Variants in ZFP64 observed in about 807,000 individuals in gnomAD.
The protein encoded by ZFP64 is ZFP64 zinc finger protein, also known as zinc finger protein 64.
ZFP64 carries 14 observed loss-of-function variants against 51.6 expected under a neutral mutation model. The observed-to-expected ratio is 0.27, with a 90% CI of 0.18 to 0.42. ZFP64 has a LOEUF of 0.42. Among genes scored for constraint, ZFP64 ranks in the 10% least tolerant of loss-of-function variants. The pLI, the probability that ZFP64 is intolerant of heterozygous loss-of-function variation, is 1.00. For synonymous variants in ZFP64, 375 were observed against 361.4 expected (o/e 1.04, Z -0.43); for missense variants, 754 against 906.8 (o/e 0.83, Z 2.16).
downstream of ZFP64, among the ~76,000 whole-genome samples, chr20:52,148,045 A>G (rs1349733197): frequency 6.6e-6 from 1 of 152,214 alleles, no homozygotes; most frequent in Non-Finnish European, 1.5e-5. Flanking sequence ...TGCAATTTCA[A>G]TAAAAATCTC....
chr20:52,109,950 T>C (rs771785799), intron 5 of ZFP64, among the ~76,000 whole-genome samples: 1 of 152,200 alleles, frequency 6.6e-6, no homozygotes, highest in Non-Finnish European at 1.5e-5. Context: ...ATGTTTCTGT[T>C]GAAAACTAGT....
At chr20:52,106,351 A>T (rs1400656591) in intron 5 of ZFP64, among the ~76,000 whole-genome samples, 2 of 152,102 alleles carry the variant, frequency 1.3e-5, no homozygotes, top group East Asian at 1.9e-4. Flanking sequence ...GTTACTTAAG[A>T]CTGGGTTGTG....
At chr20:52,136,080 T>C (rs1272185159) in intron 5 of ZFP64, among the ~76,000 whole-genome samples, 12 of 109,928 alleles carry the variant, frequency 1.1e-4, no homozygotes, top group Middle Eastern at 9.3e-3. Flanking sequence ...GCCTAGGCGA[T>C]GGAGGGAGAC....
At chr20:52,109,181 C>T (rs1458750975) in intron 5 of ZFP64, among the ~76,000 whole-genome samples, 2 of 151,780 alleles carry the variant, frequency 1.3e-5, no homozygotes, top group South Asian at 2.1e-4. Context: ...GACGGAGTCT[C>T]ACTTTGTCGC....
At chr20:52,104,612 G>C in intron 5 of ZFP64, 1 of 449,384 alleles carries the variant, frequency 2.2e-6, no homozygotes, top group Non-Finnish European at 4.6e-6. Context: ...GGGTCCCTGC[G>C]CTTCTGTTCC....
intron 5 of ZFP64, among the ~76,000 whole-genome samples, chr20:52,104,089 C>A (rs532944594): frequency 1.3e-5 from 2 of 152,294 alleles, no homozygotes; most frequent in East Asian, 3.9e-4. Context: ...TTCCTCAGCC[C>A]CTTAAAGGAA....
intron 2 of ZFP64, 62 bp downstream of exon 2, chr20:52,186,770 A>G: frequency 6.5e-7 from 1 of 1,542,232 alleles, no homozygotes; most frequent in Non-Finnish European, 8.8e-7. Context: ...AACAAGTTCC[A>G]TGGACGTGTT....
intron 5 of ZFP64, among the ~76,000 whole-genome samples, chr20:52,125,040 G>C (rs1186454543): frequency 2.0e-5 from 3 of 152,208 alleles, no homozygotes; most frequent in African/African-American, 7.2e-5. Context: ...ACCAAGCTTT[G>C]TTTGCATTGT....
chr20:52,130,510 C>T (rs540912400), intron 5 of ZFP64, among the ~76,000 whole-genome samples: 2 of 152,100 alleles, frequency 1.3e-5, no homozygotes, highest in African/African-American at 2.4e-5. Flanking sequence ...CACTGCACCC[C>T]GTCCATTCTG....
In ZFP64 at chr20:52,152,394, T is replaced by C. The variant is rs778192852; in HGVS notation, c.1798A>G (p.Asn600Asp). Residue 600 changes from asparagine to aspartate, a missense_variant, in exon 6 of 6, where the codon AAT (asparagine) becomes GAT (aspartate). Around this residue, in one of 3 missense-constraint regions of ZFP64, gnomAD observed 428 missense variants for 472.4 expected, o/e 0.91. Coordinates refer to ENST00000216923, the MANE Select transcript of ZFP64 (RefSeq NM_018197.3). ...CCCGAACTGGTAATGAAAGTTTGATTGCCAGAGCCTTCCTGGGGGCCACCT... is the reference window on the plus strand; with the variant it reads ...CCCGAACTGGTAATGAAAGTTTGATCGCCAGAGCCTTCCTGGGGGCCACCT... ...ASGGPQEGSG[N>D]QTFITSSGIT... The C allele has an allele frequency of 1.2e-6, 2 of 1,614,184 alleles. No homozygotes were observed. Among genetic ancestry groups the C allele is most frequent in the Non-Finnish European group, 1.7e-6 (2 of 1,180,014 alleles).
In ZFP64 at chr20:52,096,194, A is replaced by G. The variant is rs376058961; in HGVS notation, c.976+1179T>C. 3.3e-4 allele frequency among the ~76,000 whole-genome samples: 51 copies of G among 152,286 alleles called. 2 individuals carry two copies. In the South Asian group the frequency reaches 0.011, roughly 32 times the overall value. ...CATCTGGCCATGTGTTGCCCCGCTT[A>G]AAACCATCCCTCAGGCCCCCTTGGT... On this transcript the variant is annotated intron_variant, in intron 7 of 8. Coordinates refer to the ZFP64 transcript ENST00000361387.
chr20:52,163,356 C>T lies in ZFP64; in HGVS notation c.511+1339G>A, dbSNP rs890661347. On this transcript the variant is annotated intron_variant, in intron 4 of 5. Coordinates refer to ENST00000216923, the MANE Select transcript of ZFP64 (RefSeq NM_018197.3). ...AGCCTGGGCAACAAGAGCGAAACTC[C>T]GTCTCAAAAAAACAAAAACCAAAAC... is the stretch of plus-strand genomic sequence containing the variant. Among the ~76,000 whole-genome samples the T allele has an allele frequency of 7.9e-5, 12 of 151,892 alleles. No individual in the cohort carries two copies. The East Asian group carries it at 2.3e-3, about 29-fold the overall frequency.
At chr20:52,154,260 G>T (rs1470463329) in intron 5 of ZFP64, among the ~76,000 whole-genome samples, 2 of 152,180 alleles carry the variant, frequency 1.3e-5, no homozygotes, top group African/African-American at 4.8e-5. Context: ...CAGGCGCTAT[G>T]CTGAGCACTC....
chr20:52,161,594 G>A (rs534091482), intron 4 of ZFP64, among the ~76,000 whole-genome samples: 1 of 151,968 alleles, frequency 6.6e-6, no homozygotes, highest in South Asian at 2.1e-4. Context: ...TCACTGTATG[G>A]ATGTGCATAA....
chr20:52,104,132 T>G (rs112865033), intron 5 of ZFP64, among the ~76,000 whole-genome samples: 3,130 of 152,258 alleles, frequency 0.021, 101 homozygotes, highest in African/African-American at 0.071. Flanking sequence ...GCTGGCAGCC[T>G]AAGAGAAAGT....
intron 5 of ZFP64, among the ~76,000 whole-genome samples, chr20:52,122,023 T>C (rs1466840788): frequency 1.3e-5 from 2 of 152,164 alleles, no homozygotes; most frequent in African/African-American, 2.4e-5. Flanking sequence ...ACTGAATATT[T>C]AAAGCCCACT....
chr20:52,129,652 C>T (rs1438809086), intron 5 of ZFP64, among the ~76,000 whole-genome samples: 2 of 152,156 alleles, frequency 1.3e-5, no homozygotes, highest in Non-Finnish European at 2.9e-5. Flanking sequence ...GTCACCCCGG[C>T]CCTGGCCCAT....
intron 7 of ZFP64, among the ~76,000 whole-genome samples, chr20:52,094,769 A>C (rs908453404): frequency 1.4e-4 from 20 of 146,784 alleles, no homozygotes; most frequent in African/African-American, 4.1e-4. Context: ...AAATAATAAA[A>C]AGGAAAATGC....
chr20:52,164,658 G>C, intron 4 of ZFP64, 37 bp downstream of exon 4: 1 of 1,572,012 alleles, frequency 6.4e-7, no homozygotes, highest in African/African-American at 1.3e-5. Flanking sequence ...CACAGAGCAG[G>C]TGTTGAGGGC....
Sources: gnomAD v4.1 joint callset for allele counts (sites outside exome capture counted in the v4.1 genomes callset) on GRCh38, gnomAD v4.1.1 for gene constraint, gnomAD v4.1.1 regional missense constraint, MANE v1.5 for transcripts, NCBI Gene and HGNC (gene_info 2026-07-23, HGNC 2026-07-21) for gene names.